Variants in MAN2A1 observed in about 807,000 individuals in gnomAD.
MAN2A1 encodes alpha-mannosidase 2.
A neutral mutation model predicts 142.6 loss-of-function variants in MAN2A1; 76 were observed. The ratio of observed to expected loss-of-function variants is 0.53; its 90% CI spans 0.44 to 0.65. The LOEUF is 0.65. Ranked by LOEUF, MAN2A1 falls within the 30% of genes least tolerant of loss-of-function variation. MAN2A1 has a pLI of 0.00. For missense variants in MAN2A1, 1,311 were observed against 1,365.1 expected (o/e 0.96, Z 0.62); for synonymous variants, 559 against 473.2 (o/e 1.18, Z -2.35).
intron 1 of MAN2A1, among the ~76,000 whole-genome samples, chr5:109,708,295 G>A (rs894395199): frequency 1.3e-4 from 20 of 152,086 alleles, no homozygotes; most frequent in Admixed American, 1.2e-3. Flanking sequence ...AAACATGGGA[G>A]CCTCTGGGAA....
intron 5 of MAN2A1, among the ~76,000 whole-genome samples, chr5:109,758,257 G>A (rs1394130812): frequency 6.6e-6 from 1 of 151,994 alleles, no homozygotes; most frequent in Non-Finnish European, 1.5e-5. Flanking sequence ...ATTTTGATTT[G>A]CATTTTCCTA....
chr5:109,769,155 T>C (rs1753071724), intron 6 of MAN2A1, among the ~76,000 whole-genome samples: 2 of 152,170 alleles, frequency 1.3e-5, no homozygotes, highest in South Asian at 4.1e-4. Context: ...GACTATATGC[T>C]CATAGCAAGC....
chr5:109,708,296 C>T (rs1279448301), intron 1 of MAN2A1, among the ~76,000 whole-genome samples: 1 of 151,950 alleles, frequency 6.6e-6, no homozygotes, highest in Non-Finnish European at 1.5e-5. Flanking sequence ...AACATGGGAG[C>T]CTCTGGGAAC....
chr5:109,739,968 C>T (rs1752220285), intron 4 of MAN2A1, among the ~76,000 whole-genome samples: 1 of 152,204 alleles, frequency 6.6e-6, no homozygotes, highest in Middle Eastern at 3.2e-3. Flanking sequence ...AGAATGTTTA[C>T]TGGTCATTCC....
intron 12 of MAN2A1, among the ~76,000 whole-genome samples, chr5:109,805,613 G>T (rs897415180): frequency 6.6e-6 from 1 of 152,152 alleles, no homozygotes; most frequent in Admixed American, 6.5e-5. Context: ...TTGCATGAGA[G>T]TCAGAGGACT....
intron 8 of MAN2A1, among the ~76,000 whole-genome samples, chr5:109,777,916 G>T (rs1044758915): frequency 1.1e-4 from 16 of 152,032 alleles, no homozygotes; most frequent in African/African-American, 3.9e-4. Flanking sequence ...TTATTGGTCT[G>T]TTTGACTCAT....
intron 16 of MAN2A1, among the ~76,000 whole-genome samples, chr5:109,835,109 C>A (rs1264434770): frequency 3.3e-5 from 5 of 151,892 alleles, no homozygotes; most frequent in Admixed American, 6.6e-5. Context: ...TAATTAATAA[C>A]CATAAGCTTG....
At chr5:109,812,480 C>A (rs1164468322) in intron 12 of MAN2A1, among the ~76,000 whole-genome samples, 1 of 152,044 alleles carries the variant, frequency 6.6e-6, no homozygotes, top group Non-Finnish European at 1.5e-5. Flanking sequence ...CTTCTGTTAA[C>A]ATGTAAATTC....
chr5:109,845,395 CTTA>C (rs1755320749), intron 17 of MAN2A1, among the ~76,000 whole-genome samples: 1 of 152,018 alleles, frequency 6.6e-6, no homozygotes, highest in South Asian at 2.1e-4. Flanking sequence ...AACATAATAT[CTTA>C]GAAGATTTGG....
chr5:109,734,777 G>A (rs9716414), intron 4 of MAN2A1, among the ~76,000 whole-genome samples: 65,953 of 151,728 alleles, frequency 0.43, 15,275 homozygotes, highest in African/African-American at 0.6. Context: ...TGCTGAGGAG[G>A]GCTTTACTTC....
chr5:109,820,455 TG>T, intron 15 of MAN2A1, 113 bp downstream of exon 15: 3 of 1,104,762 alleles, frequency 2.7e-6, no homozygotes, highest in Non-Finnish European at 3.8e-6. Flanking sequence ...TAGGGATAGA[TG>T]AACTTTTGGT....
chr5:109,842,043 A>G (rs1755218696), intron 16 of MAN2A1, among the ~76,000 whole-genome samples: 1 of 152,120 alleles, frequency 6.6e-6, no homozygotes, highest in African/African-American at 2.4e-5. Flanking sequence ...CTCCTCTAGA[A>G]CTCAGAGAAT....
chr5:109,821,985 T>C (rs903550644), intron 15 of MAN2A1, among the ~76,000 whole-genome samples: 3 of 152,068 alleles, frequency 2.0e-5, no homozygotes, highest in African/African-American at 2.4e-5. Flanking sequence ...TGAAATGTTA[T>C]CCTAATTATT....
intron 12 of MAN2A1, among the ~76,000 whole-genome samples, chr5:109,804,545 A>T (rs937943078): frequency 1.3e-5 from 2 of 151,994 alleles, no homozygotes; most frequent in Non-Finnish European, 2.9e-5. Flanking sequence ...ATTCACTGTG[A>T]GTGATGTTTT....
At chr5:109,796,623 G>A (rs1753869903) in intron 12 of MAN2A1, among the ~76,000 whole-genome samples, 1 of 152,114 alleles carries the variant, frequency 6.6e-6, no homozygotes, top group South Asian at 2.1e-4. Flanking sequence ...AGGAAAGTCC[G>A]CTCAAGGAAA....
intron 17 of MAN2A1, among the ~76,000 whole-genome samples, chr5:109,844,362 A>T (rs756550916): frequency 3.6e-4 from 55 of 152,318 alleles, no homozygotes; most frequent in Non-Finnish European, 4.7e-4. Context: ...CCAGTGGGGA[A>T]TCGGGGTAGC....
At chr5:109,849,420 C>T (rs187978148) in intron 19 of MAN2A1, among the ~76,000 whole-genome samples, 4 of 152,244 alleles carry the variant, frequency 2.6e-5, no homozygotes, top group Admixed American at 6.5e-5. Flanking sequence ...CCAAACCTGG[C>T]CCATTTTCAG....
Position 109,865,098 on chromosome 5 carries a change from G to T in MAN2A1, c.3234G>T (p.Arg1078=). 1 of 1,614,076 alleles carries T rather than the reference G, an allele frequency of 6.2e-7. No individual in the cohort carries two copies. The change falls in exon 21 of 22, where the codon CGG becomes CGT. Residue 1078 remains arginine (R), a synonymous_variant. Coordinates refer to ENST00000261483, the MANE Select transcript of MAN2A1 (RefSeq NM_002372.4). ...LILHRKGFDC[R]FSSKGTGLFC... is the part of the protein sequence containing the mutation. ...TCCACAGAAAAGGGTTTGATTGTCG[G>T]TTCTCTAGCAAAGGCACAGGGCTGT...
At chr5:109,773,719 A>C (rs1326334192) in intron 7 of MAN2A1, among the ~76,000 whole-genome samples, 2 of 152,204 alleles carry the variant, frequency 1.3e-5, no homozygotes, top group African/African-American at 4.8e-5. Flanking sequence ...AAATGTAAAA[A>C]GGACCATATG....
Sources: allele counts gnomAD v4.1 joint callset (sites outside exome capture counted in the v4.1 genomes callset), GRCh38; gene constraint gnomAD v4.1.1; transcripts MANE v1.5; gene names NCBI Gene and HGNC (gene_info 2026-07-23, HGNC 2026-07-21).